The following EIF3L variants were observed in gnomAD, a reference collection of about 807,000 sequenced individuals.
The protein encoded by EIF3L is eIEF associated protein HSPC021.
EIF3L carries 32 observed loss-of-function variants against 74.6 expected under a neutral mutation model. The observed-to-expected ratio is 0.43, with a 90% CI of 0.32 to 0.58. The LOEUF is 0.58. Ranked by LOEUF, EIF3L falls within the 20% of genes least tolerant of loss-of-function variation. EIF3L has a pLI of 0.06. For synonymous variants in EIF3L, 256 were observed against 254.4 expected, an observed-to-expected ratio of 1.01 and a Z score of -0.06; for missense variants, 474 against 707.8, an observed-to-expected ratio of 0.67 and a Z score of 3.75.
In EIF3L at chr22:37,877,682, G is replaced by A. The variant is rs369638948; in HGVS notation, c.1086G>A (p.Lys362=). The A allele has an allele frequency of 4.4e-6, 7 of 1,595,582 alleles. No homozygotes were observed. The African/African-American group carries it at 9.4e-5, about 21-fold the overall frequency. The change falls in exon 11 of 13, where the codon AAG becomes AAA. Residue 362 remains lysine, a synonymous_variant. Coordinates refer to ENST00000652021, the MANE Select transcript of EIF3L (RefSeq NM_016091.4). ...CTCCACCCCATCCCCAGATTAACAA[G>A]CAGAATGAGCAGATGCATGCGCTGC... The part of the protein sequence containing the change: ...RTTYKYEMIN[K]QNEQMHALLA...
At chr22:37,868,445 T>G (rs1926283218) in intron 7 of EIF3L, among the ~76,000 whole-genome samples, 1 of 150,034 alleles carries the variant, frequency 6.7e-6, no homozygotes, top group South Asian at 2.1e-4. Flanking sequence ...CTTTATATAT[T>G]CTGGATATTC....
chr22:37,877,570 G>A (rs887492414), intron 10 of EIF3L, 104 bp from the exon 11 acceptor site: 74 of 1,373,964 alleles, frequency 5.4e-5, no homozygotes, highest in Non-Finnish European at 6.8e-5. Context: ...GAAACAACTG[G>A]GTAAGTCAAA....
At chr22:37,873,496 A>G (rs1316548890) in intron 8 of EIF3L, among the ~76,000 whole-genome samples, 1 of 151,284 alleles carries the variant, frequency 6.6e-6, no homozygotes, top group Admixed American at 6.6e-5. Context: ...ACGGGGTTTC[A>G]CCTAGCCAGG....
chr22:37,860,863 C>G (rs1318297092), intron 5 of EIF3L, among the ~76,000 whole-genome samples: 1 of 152,170 alleles, frequency 6.6e-6, no homozygotes, highest in African/African-American at 2.4e-5. Context: ...AGGTCACTTC[C>G]AATCCTACCA....
intron 12 of EIF3L, chr22:37,887,598 A>G (rs139852): frequency 0.27 from 40,616 of 152,322 alleles, 6,660 homozygotes; most frequent in Non-Finnish European, 0.35. Flanking sequence ...TAAATTTTCA[A>G]GCTAGACTGG....
intron 5 of EIF3L, among the ~76,000 whole-genome samples, chr22:37,861,683 C>T (rs76225555): frequency 1.6e-5 from 2 of 127,828 alleles, no homozygotes; most frequent in African/African-American, 5.7e-5. Context: ...GACTCCGTCT[C>T]AAAAAAAAAA....
intron 8 of EIF3L, among the ~76,000 whole-genome samples, chr22:37,873,354 A>C (rs1248279316): frequency 6.8e-6 from 1 of 148,004 alleles, no homozygotes; most frequent in Admixed American, 6.8e-5. Flanking sequence ...GCTGGAGTGC[A>C]GTGGCGCAAT....
chr22:37,857,538 C>T (rs926265144), intron 4 of EIF3L, among the ~76,000 whole-genome samples: 1 of 148,210 alleles, frequency 6.7e-6, no homozygotes, highest in Non-Finnish European at 1.5e-5. Flanking sequence ...CACTTAACTC[C>T]TTTTTTTTTT....
intron 3 of EIF3L, among the ~76,000 whole-genome samples, chr22:37,855,097 T>C (rs1223732413): frequency 6.6e-6 from 1 of 152,182 alleles, no homozygotes; most frequent in Non-Finnish European, 1.5e-5. Context: ...TGCAGGTTTG[T>C]CAAGTAGCAG....
At chr22:37,885,627 T>C (rs909970269) in intron 11 of EIF3L, 4 of 151,170 alleles carry the variant, frequency 2.6e-5, no homozygotes, top group African/African-American at 7.3e-5. Flanking sequence ...TTATCAACAG[T>C]GTAGGAGCAT....
At chr22:37,868,745 C>T (rs1305770923) in intron 7 of EIF3L, among the ~76,000 whole-genome samples, 1 of 137,968 alleles carries the variant, frequency 7.2e-6, no homozygotes, top group Admixed American at 7.7e-5. Context: ...CAGGTTCAAG[C>T]GATTCACCTG....
At chr22:37,876,586 C>T (rs542220907) in intron 10 of EIF3L, 4 of 152,354 alleles carry the variant, frequency 2.6e-5, no homozygotes, top group Admixed American at 6.5e-5. Flanking sequence ...AGGCGTGAGC[C>T]ACCACGCCCA....
At chr22:37,850,683 A>C in intron 2 of EIF3L, 1 of 162,790 alleles carries the variant, frequency 6.1e-6, no homozygotes, top group Non-Finnish European at 1.4e-5. Flanking sequence ...AATTCAAACC[A>C]AGCCCGAATG....
intron 8 of EIF3L, among the ~76,000 whole-genome samples, chr22:37,874,111 G>A (rs1033916378): frequency 6.6e-6 from 1 of 152,056 alleles, no homozygotes; most frequent in Non-Finnish European, 1.5e-5. Context: ...ACTGATGAGA[G>A]GGGCCTTTGC....
At chr22:37,850,511 AT>A in intron 2 of EIF3L, 4 of 223,942 alleles carry the variant, frequency 1.8e-5, no homozygotes, top group Admixed American at 5.2e-5. Flanking sequence ...TAATTTTTAA[AT>A]TTTTTTAATA....
At chr22:37,861,891 T>C (rs1925877904) in intron 5 of EIF3L, among the ~76,000 whole-genome samples, 1 of 152,220 alleles carries the variant, frequency 6.6e-6, no homozygotes. Flanking sequence ...TTGATGCTGT[T>C]ATCTTTTTAT....
chr22:37,888,902 G>A lies in EIF3L; in HGVS notation c.*438G>A, dbSNP rs537851259. ...TTACAGGCGTGTGCCACCACACTCA[G>A]CTAATTTTTGTATTCTCAGTAGAGA... On this transcript the variant is annotated 3_prime_UTR_variant, in exon 13 of 13. Coordinates refer to ENST00000652021, the MANE Select transcript of EIF3L (RefSeq NM_016091.4). The A allele has an allele frequency of 1.6e-3, 267 of 164,752 alleles. 1 individual carries two copies. Among genetic ancestry groups the A allele is most frequent in the Middle Eastern group, 0.011 (4 of 350 alleles). 10.2% of individuals were successfully genotyped at this position (164,752 alleles called of 1,614,324 possible).
intron 11 of EIF3L, 200 bp from the exon 12 acceptor site, chr22:37,886,565 C>T: frequency 2.9e-6 from 1 of 350,850 alleles, no homozygotes; most frequent in Non-Finnish European, 5.4e-6. Flanking sequence ...AAAACTCCAT[C>T]TCAAAAAAAA....
At chr22:37,872,037 C>G (rs1201590659) in intron 8 of EIF3L, among the ~76,000 whole-genome samples, 1 of 152,050 alleles carries the variant, frequency 6.6e-6, no homozygotes, top group Admixed American at 6.6e-5. Flanking sequence ...AGTGAGGAAT[C>G]TGAAACTGTA....
Sources: allele counts gnomAD v4.1 joint callset (sites outside exome capture counted in the v4.1 genomes callset), GRCh38; gene constraint gnomAD v4.1.1; transcripts MANE v1.5; gene names NCBI Gene and HGNC (gene_info 2026-07-23, HGNC 2026-07-21).